The following TMC1 variants were observed in gnomAD, a reference collection of about 807,000 sequenced individuals.
The protein encoded by TMC1 is transmembrane channel-like protein 1.
A neutral mutation model predicts 105.8 loss-of-function variants in TMC1; 84 were observed. The ratio of observed to expected loss-of-function variants is 0.79; its 90% CI spans 0.67 to 0.95. The LOEUF (loss-of-function observed/expected upper bound fraction) is 0.95. Ranked by LOEUF, TMC1 falls within the 40% of genes least tolerant of loss-of-function variation. TMC1 has a pLI of 0.00. For synonymous variants in TMC1, 315 were observed against 311.5 expected (o/e 1.01, Z -0.12); for missense variants, 817 against 914.1 (o/e 0.89, Z 1.37).
rs559263298 is a variant in TMC1, at chr9:72,608,714, A to G, written c.-305-7654A>G. Among the ~76,000 whole-genome samples, 798 of 152,174 alleles carry G rather than the reference A, an allele frequency of 5.2e-3. 7 individuals carry two copies. The highest frequency in any genetic ancestry group is 0.018 in the African/African-American group (764 of 41,532). On this transcript the variant is annotated intron_variant, in intron 2 of 23. Coordinates refer to ENST00000297784, the MANE Select transcript of TMC1 (RefSeq NM_138691.3). Reference sequence around the variant, plus strand: ...AGAGACTTCATCTCAAAAAAAAAAAAAAAAAGTAAGTTTTGCAATTAGGAG... The same window carrying G: ...AGAGACTTCATCTCAAAAAAAAAAAGAAAAAGTAAGTTTTGCAATTAGGAG...
chr9:72,624,418 C>T (rs931357994), intron 3 of TMC1, among the ~76,000 whole-genome samples: 1 of 152,196 alleles, frequency 6.6e-6, no homozygotes, highest in Admixed American at 6.5e-5. Flanking sequence ...CACACCTTTT[C>T]TCTGAGCTTC....
chr9:72,822,514 TTG>T (rs368968408), intron 20 of TMC1, among the ~76,000 whole-genome samples: 26,691 of 135,510 alleles, frequency 0.2, 2,453 homozygotes, highest in Non-Finnish European at 0.23. Context: ...GTTAATTCCG[TTG>T]TGTGTGTGTG....
At chr9:72,745,124 C>G (rs1268609625) in intron 10 of TMC1, among the ~76,000 whole-genome samples, 1 of 152,084 alleles carries the variant, frequency 6.6e-6, no homozygotes, top group Non-Finnish European at 1.5e-5. Context: ...AAGAACTGAG[C>G]TTTATTTTTT....
intron 1 of TMC1, among the ~76,000 whole-genome samples, chr9:72,570,939 T>C (rs1270432586): frequency 1.3e-5 from 2 of 148,514 alleles, no homozygotes; most frequent in Non-Finnish European, 3.0e-5. Context: ...TCCACCTGCC[T>C]CGGCCTCCCA....
At chr9:72,687,373 T>C (rs1393602884) in intron 5 of TMC1, among the ~76,000 whole-genome samples, 1 of 152,160 alleles carries the variant, frequency 6.6e-6, no homozygotes, top group Admixed American at 6.5e-5. Context: ...AGTGGTGACA[T>C]TAATTGCAAA....
At chr9:72,812,358 G>A (rs1445806784) in intron 18 of TMC1, among the ~76,000 whole-genome samples, 1 of 152,224 alleles carries the variant, frequency 6.6e-6, no homozygotes, top group African/African-American at 2.4e-5. Flanking sequence ...ATAAGGGGTT[G>A]AGAACATGGG....
At chr9:72,711,138 G>A (rs1826828650) in intron 8 of TMC1, among the ~76,000 whole-genome samples, 1 of 152,198 alleles carries the variant, frequency 6.6e-6, no homozygotes, top group East Asian at 1.9e-4. Context: ...TGGTGTATAT[G>A]TGCCACATTT....
At chr9:72,632,080 T>A (rs1825461440) in intron 4 of TMC1, among the ~76,000 whole-genome samples, 1 of 152,182 alleles carries the variant, frequency 6.6e-6, no homozygotes, top group South Asian at 2.1e-4. Context: ...TTCTGCAGGC[T>A]GTATGAGAAG....
intron 8 of TMC1, among the ~76,000 whole-genome samples, chr9:72,710,303 A>G (rs947786210): frequency 6.6e-6 from 1 of 152,160 alleles, no homozygotes; most frequent in Non-Finnish European, 1.5e-5. Context: ...GCACTGATGA[A>G]TGGAATGTAT....
intron 8 of TMC1, among the ~76,000 whole-genome samples, chr9:72,725,553 ATGT>A (rs1414544181): frequency 3.3e-5 from 5 of 151,348 alleles, no homozygotes; most frequent in Non-Finnish European, 7.4e-5. Flanking sequence ...CAGGAGAAAG[ATGT>A]TGTCGGGGAG....
At chr9:72,749,318 T>C (rs1308850905) in intron 10 of TMC1, among the ~76,000 whole-genome samples, 1 of 152,168 alleles carries the variant, frequency 6.6e-6, no homozygotes, top group Non-Finnish European at 1.5e-5. Flanking sequence ...TTACATGCGA[T>C]TCCAGGGAAA....
At chr9:72,583,452 ATATGATTCT>A (rs1381613797) in intron 2 of TMC1, among the ~76,000 whole-genome samples, 2 of 152,196 alleles carry the variant, frequency 1.3e-5, no homozygotes, top group Non-Finnish European at 2.9e-5. Flanking sequence ...GCCTCTTTCC[ATATGATTCT>A]TCACTAGCAG....
intron 5 of TMC1, among the ~76,000 whole-genome samples, chr9:72,670,886 C>T (rs990323427): frequency 2.6e-5 from 4 of 152,134 alleles, no homozygotes; most frequent in African/African-American, 4.8e-5. Context: ...TAAGGTTTTA[C>T]ACTATGTATG....
At chr9:72,631,637 C>T (rs1172471607) in intron 4 of TMC1, among the ~76,000 whole-genome samples, 1 of 152,170 alleles carries the variant, frequency 6.6e-6, no homozygotes, top group Non-Finnish European at 1.5e-5. Context: ...CTTGAATAGT[C>T]ATTTTCTCAA....
At chr9:72,712,994 A>G (rs970136305) in intron 8 of TMC1, among the ~76,000 whole-genome samples, 1 of 152,106 alleles carries the variant, frequency 6.6e-6, no homozygotes, top group Non-Finnish European at 1.5e-5. Context: ...GGGCTGTTGA[A>G]TTTTGTTGAA....
intron 2 of TMC1, among the ~76,000 whole-genome samples, chr9:72,586,953 A>G (rs766267234): frequency 6.6e-6 from 1 of 152,076 alleles, no homozygotes; most frequent in Non-Finnish European, 1.5e-5. Context: ...GGTGTAGTCT[A>G]TTGCCTCTCT....
At chr9:72,638,563 A>G (rs1205994708) in intron 4 of TMC1, among the ~76,000 whole-genome samples, 2 of 152,192 alleles carry the variant, frequency 1.3e-5, no homozygotes, top group African/African-American at 2.4e-5. Flanking sequence ...ATTCTGTACA[A>G]AGGAGCTGGA....
At chr9:72,809,977 C>T (rs1046285171) in intron 18 of TMC1, among the ~76,000 whole-genome samples, 1 of 151,530 alleles carries the variant, frequency 6.6e-6, no homozygotes, top group Non-Finnish European at 1.5e-5. Flanking sequence ...GAGAGACAGG[C>T]GTGCATCAGT....
rs1229875573 is a variant in TMC1, at chr9:72,521,913, G to C, written c.-428G>C. The C allele has an allele frequency of 1.3e-5, 2 of 152,146 alleles. No individual in the cohort carries two copies. Among genetic ancestry groups the C allele is most frequent in the African/African-American group, 4.8e-5 (2 of 41,422 alleles). 9.4% of individuals were successfully genotyped at this position (152,146 alleles called of 1,614,324 possible). A position where few individuals can be genotyped will look rare whatever the true frequency, so the allele number is the denominator to read the frequency against. On this transcript the variant is annotated splice_region_variant and 5_prime_UTR_variant, in exon 1 of 24. Coordinates refer to ENST00000297784, the MANE Select transcript of TMC1 (RefSeq NM_138691.3). ...AAAAGTGGCCCTCATAATGATGCCA[G>C]GTAAGGAAAGACAACATTATTACCT... is the stretch of plus-strand genomic sequence containing the variant.
Sources: allele counts gnomAD v4.1 joint callset (sites outside exome capture counted in the v4.1 genomes callset), GRCh38; gene constraint gnomAD v4.1.1; transcripts MANE v1.5; gene names NCBI Gene and HGNC (gene_info 2026-07-23, HGNC 2026-07-21).